The following TRPC5 variants were observed in gnomAD, a reference collection of about 807,000 sequenced individuals.
TRPC5 encodes short transient receptor potential channel 5.
A neutral mutation model predicts 56.5 loss-of-function variants in TRPC5; 9 were observed. The ratio of observed to expected loss-of-function variants is 0.16; its 90% CI spans 0.10 to 0.28. TRPC5 has a LOEUF of 0.28. Among genes scored for constraint, TRPC5 ranks in the 10% least tolerant of loss-of-function variants. TRPC5 has a pLI of 1.00. For missense variants in TRPC5, 469 were observed against 748.9 expected, an observed-to-expected ratio of 0.63 and a Z score of 4.36; for synonymous variants, 282 against 278.5, an observed-to-expected ratio of 1.01 and a Z score of -0.13.
chrX:112,078,556 C>T (rs930312211), intron 1 of TRPC5, among the ~76,000 whole-genome samples: 10 of 111,505 alleles, frequency 9.0e-5, no homozygotes, highest in African/African-American at 2.3e-4. Flanking sequence ...TGTTTCTTAT[C>T]GTTATTTTTT....
Position 111,773,802 on chromosome X carries a change from A to G in TRPC5, c.*2511T>C, listed in dbSNP as rs1238790016. On this transcript the variant is annotated 3_prime_UTR_variant, in exon 11 of 11. Transcript: ENST00000262839. Reference sequence around the variant, plus strand: ...TAAATTTACTCTCAAGTTGGCTTATAACTCCTCTGGGGTCAGAGGATATAC... The same window carrying G: ...TAAATTTACTCTCAAGTTGGCTTATGACTCCTCTGGGGTCAGAGGATATAC... Among the ~76,000 whole-genome samples, 1 of 111,680 alleles carries G rather than the reference A, an allele frequency of 9.0e-6. No individual in the cohort carries two copies. Among genetic ancestry groups the G allele is most frequent in the Non-Finnish European group, 1.9e-5 (1 of 53,102 alleles).
At chrX:112,021,319 A>T (rs755315728) in intron 1 of TRPC5, among the ~76,000 whole-genome samples, 2 of 112,016 alleles carry the variant, frequency 1.8e-5, no homozygotes, top group South Asian at 7.6e-4. Context: ...GTAGGCAAGT[A>T]GAATAAACGA....
At chrX:111,966,876 C>G (rs1240401051) in intron 1 of TRPC5, among the ~76,000 whole-genome samples, 1 of 111,066 alleles carries the variant, frequency 9.0e-6, no homozygotes, top group African/African-American at 3.3e-5. Context: ...CAATATCATA[C>G]TGAATGGGCA....
At chrX:112,024,278 G>A (rs1223376026) in intron 1 of TRPC5, among the ~76,000 whole-genome samples, 1 of 111,793 alleles carries the variant, frequency 8.9e-6, no homozygotes. Context: ...ATTAACATTT[G>A]AATTGGTAGA....
chrX:111,937,815 A>T (rs1926639415), intron 2 of TRPC5, among the ~76,000 whole-genome samples: 1 of 105,961 alleles, frequency 9.4e-6, no homozygotes, highest in South Asian at 4.4e-4. Flanking sequence ...CTTAGGATTG[A>T]CTTGGCCATG....
chrX:111,876,514 C>T (rs998122994), intron 3 of TRPC5, among the ~76,000 whole-genome samples: 14 of 111,601 alleles, frequency 1.3e-4, no homozygotes, highest in Admixed American at 1.9e-4. Context: ...TCTCTTTTTC[C>T]TTGCCAGTCT....
At chrX:111,918,849 A>T (rs180827491) in intron 2 of TRPC5, among the ~76,000 whole-genome samples, 1 of 111,227 alleles carries the variant, frequency 9.0e-6, no homozygotes. Context: ...TCATGGGCAC[A>T]GTGGGCTGAA....
At chrX:112,062,950 G>C (rs1392514482) in intron 1 of TRPC5, among the ~76,000 whole-genome samples, 1 of 111,413 alleles carries the variant, frequency 9.0e-6, no homozygotes, top group Admixed American at 9.5e-5. Context: ...AATGCAGTAA[G>C]ATAGGCAATA....
At chrX:111,788,862 G>C (rs145912066) in intron 7 of TRPC5, among the ~76,000 whole-genome samples, 2,547 of 111,693 alleles carry the variant, frequency 0.023, 61 homozygotes, top group African/African-American at 0.079. Flanking sequence ...TACAAGGGAT[G>C]TGAAGGACCT....
intron 1 of TRPC5, among the ~76,000 whole-genome samples, chrX:112,026,609 C>G (rs1929417833): frequency 9.0e-6 from 1 of 111,581 alleles, no homozygotes; most frequent in South Asian, 3.8e-4. Flanking sequence ...CTATGGAACC[C>G]TAAAAAATTC....
chrX:111,859,977 C>A (rs1056676171), intron 3 of TRPC5, among the ~76,000 whole-genome samples: 1 of 113,132 alleles, frequency 8.8e-6, no homozygotes, highest in Admixed American at 9.3e-5. Context: ...GGCGAGATCT[C>A]AGCTCACTGC....
At position 111,956,936 on chromosome X, in the gene TRPC5, C is replaced by T. The variant is rs190769305; in HGVS notation, c.-21-4495G>A. Among the ~76,000 whole-genome samples the T allele has an allele frequency of 1.9e-3, 208 of 111,926 alleles. 1 individual carries two copies. The highest frequency in any genetic ancestry group is 6.3e-3 in the African/African-American group (195 of 30,783). On this transcript the variant is annotated intron_variant, in intron 1 of 10. Coordinates refer to ENST00000262839, the MANE Select transcript of TRPC5 (RefSeq NM_012471.3). ...TCAGCTGAAATCACCTGCCTATAAC[C>T]TTTATCCCCTGGCCCAAGTTCTGCT...
chrX:111,919,355 C>T (rs1042973524), intron 2 of TRPC5, among the ~76,000 whole-genome samples: 3 of 111,838 alleles, frequency 2.7e-5, no homozygotes, highest in African/African-American at 6.5e-5. Context: ...GCAACCCGCT[C>T]GGGTCCCCTT....
intron 3 of TRPC5, among the ~76,000 whole-genome samples, chrX:111,893,095 T>TTC (rs1491006276): frequency 9.3e-6 from 1 of 108,103 alleles, no homozygotes; most frequent in African/African-American, 3.4e-5. Context: ...TTTTTTTTTT[T>TTC]CGGATACCAG....
intron 1 of TRPC5, among the ~76,000 whole-genome samples, chrX:112,032,285 C>T (rs1205947493): frequency 9.1e-6 from 1 of 109,538 alleles, no homozygotes; most frequent in Non-Finnish European, 1.9e-5. Flanking sequence ...GGAACTGTTA[C>T]ACACTGCTGG....
chrX:111,945,803 A>G (rs1926919315), intron 2 of TRPC5, among the ~76,000 whole-genome samples: 1 of 111,975 alleles, frequency 8.9e-6, no homozygotes, highest in East Asian at 2.8e-4. Flanking sequence ...TCTTCCCAAG[A>G]GTGATGGAGG....
At chrX:111,947,077 C>G (rs1926950376) in intron 2 of TRPC5, among the ~76,000 whole-genome samples, 1 of 111,686 alleles carries the variant, frequency 9.0e-6, no homozygotes, top group Admixed American at 9.5e-5. Context: ...ATTCACACCT[C>G]TCTGCTTTGC....
chrX:111,938,868 A>G (rs1357590650), intron 2 of TRPC5, among the ~76,000 whole-genome samples: 1 of 112,010 alleles, frequency 8.9e-6, no homozygotes, highest in Non-Finnish European at 1.9e-5. Context: ...GGATAATTTG[A>G]CTTCTTTGTT....
chrX:111,944,962 C>T (rs948619972), intron 2 of TRPC5, among the ~76,000 whole-genome samples: 1 of 110,931 alleles, frequency 9.0e-6, no homozygotes, highest in African/African-American at 3.3e-5. Context: ...TTTGTTATGG[C>T]AGCCCTAGGA....
Sources: gnomAD v4.1 joint callset for allele counts (sites outside exome capture counted in the v4.1 genomes callset) on GRCh38, gnomAD v4.1.1 for gene constraint, MANE v1.5 for transcripts, NCBI Gene and HGNC (gene_info 2026-07-23, HGNC 2026-07-21) for gene names.